ABCB4: variants seen among roughly 807,000 people sequenced by gnomAD.
ABCB4 encodes the protein ATP binding cassette subfamily B member 4.
In ABCB4, 76 loss-of-function variants were observed where a neutral mutation model predicts 145.7. That is an observed-to-expected ratio of 0.52 (90% CI 0.43 to 0.63). The LOEUF (loss-of-function observed/expected upper bound fraction) is 0.63, where lower values mean the gene tolerates loss of function less well. Among genes scored for constraint, ABCB4 ranks in the 30% least tolerant of loss-of-function variants. ABCB4 has a pLI of 0.00. For synonymous variants in ABCB4, 517 were observed against 566.8 expected (o/e 0.91, Z 1.25); for missense variants, 1,234 against 1,553.1 (o/e 0.79, Z 3.45).
chr7:87,431,654 T>C (rs1810243881), intron 14 of ABCB4, 89 bp from the exon 15 acceptor site: 2 of 1,498,622 alleles, frequency 1.3e-6, no homozygotes, highest in African/African-American at 1.4e-5. Context: ...ATGAATGCTG[T>C]TTGTAGATGA....
At position 87,418,622 on chromosome 7, in the gene ABCB4, T is replaced by C. The variant is rs1000212936; in HGVS notation, c.2395-2A>G. 1 of 1,613,900 alleles carries C rather than the reference T, an allele frequency of 6.2e-7. No homozygotes were observed. The highest frequency in any genetic ancestry group is 8.5e-7 in the Non-Finnish European group (1 of 1,179,804). The stretch of plus-strand genomic sequence containing the variant: ...ATGGTCATCAAACCAGCTCATGTCC[T>C]ATGGCATAAAATACACGTTTATGTT... On this transcript the variant is annotated splice_acceptor_variant, in intron 19 of 27. Coordinates refer to ENST00000649586, the MANE Select transcript of ABCB4 (RefSeq NM_000443.4). LOFTEE classifies it high-confidence loss of function.
chr7:87,369,361 T>A, the ABCB4 span: 2 of 1,572,230 alleles, frequency 1.3e-6, no homozygotes, highest in South Asian at 1.2e-5. Context: ...TTGTGTTTTC[T>A]GTTTCTGTTT....
intron 14 of ABCB4, among the ~76,000 whole-genome samples, chr7:87,438,103 TC>T (rs1810730894): frequency 1.3e-5 from 2 of 152,210 alleles, no homozygotes; most frequent in Admixed American, 6.5e-5. Flanking sequence ...AATATCTGTA[TC>T]CTGGAAATGA....
At chr7:87,373,329 C>T in the ABCB4 span, among the ~76,000 whole-genome samples, 4 of 151,946 alleles carry the variant, frequency 2.6e-5, no homozygotes, top group African/African-American at 9.7e-5. Context: ...AGATATAAGT[C>T]TTTTTACAGA....
the ABCB4 span, among the ~76,000 whole-genome samples, chr7:87,371,608 C>T: frequency 6.6e-6 from 1 of 152,160 alleles, no homozygotes; most frequent in South Asian, 2.1e-4. Context: ...AAATTGTCAT[C>T]CACAGTGGCA....
chr7:87,461,579 A>G (rs981127442), intron 4 of ABCB4, among the ~76,000 whole-genome samples: 2 of 152,214 alleles, frequency 1.3e-5, no homozygotes, highest in Non-Finnish European at 2.9e-5. Context: ...CATAGGACCT[A>G]GCACATAGTA....
chr7:87,469,774 G>A (rs1057194059), intron 3 of ABCB4, among the ~76,000 whole-genome samples: 16 of 152,226 alleles, frequency 1.1e-4, no homozygotes, highest in South Asian at 4.2e-4. Context: ...AATCAATATC[G>A]TGAAAATGGC....
intron 2 of ABCB4, among the ~76,000 whole-genome samples, chr7:87,473,158 A>G (rs1813554413): frequency 6.6e-6 from 1 of 152,198 alleles, no homozygotes; most frequent in African/African-American, 2.4e-5. Flanking sequence ...ACTTCCACCT[A>G]TGCCGCTTCA....
At chr7:87,449,818 T>G (rs1243547070) in intron 8 of ABCB4, 150 bp downstream of exon 8, 2 of 1,163,238 alleles carry the variant, frequency 1.7e-6, no homozygotes, top group Non-Finnish European at 2.5e-6. Context: ...AGTCTGACAT[T>G]CAACTATAGC....
At chr7:87,378,425 C>T in the ABCB4 span, among the ~76,000 whole-genome samples, 14 of 151,466 alleles carry the variant, frequency 9.2e-5, no homozygotes, top group Admixed American at 5.3e-4. Context: ...ATCAAACTAG[C>T]GTTAGCGTAA....
At chr7:87,421,001 A>C (rs1479324132) in intron 18 of ABCB4, among the ~76,000 whole-genome samples, 1 of 152,182 alleles carries the variant, frequency 6.6e-6, no homozygotes, top group African/African-American at 2.4e-5. Context: ...CAAGATCCAA[A>C]TGAGTATGCT....
intron 15 of ABCB4, among the ~76,000 whole-genome samples, chr7:87,427,630 A>G (rs985026872): frequency 2.6e-5 from 4 of 152,160 alleles, no homozygotes; most frequent in African/African-American, 9.7e-5. Flanking sequence ...ACACATCTTA[A>G]TAGTTTGTTC....
intron 23 of ABCB4, 32 bp downstream of exon 23, chr7:87,411,860 TA>T: frequency 1.2e-6 from 2 of 1,602,256 alleles, no homozygotes; most frequent in Non-Finnish European, 1.7e-6. Flanking sequence ...AACCTTATTA[TA>T]GAATAATCTT....
At chr7:87,475,247 G>C in intron 2 of ABCB4, 139 bp downstream of exon 2, 1 of 980,210 alleles carries the variant, frequency 1.0e-6, no homozygotes, top group Non-Finnish European at 1.6e-6. Context: ...GTCAGAACCG[G>C]ATGCAAGACC....
chr7:87,366,456 CCTGT>C, the ABCB4 span, among the ~76,000 whole-genome samples: 9 of 152,108 alleles, frequency 5.9e-5, no homozygotes, highest in Non-Finnish European at 8.8e-5. Context: ...AGCTCCAGTG[CCTGT>C]CTTTCTTTCC....
chr7:87,465,683 G>C (rs1488621025), intron 3 of ABCB4, among the ~76,000 whole-genome samples: 1 of 152,170 alleles, frequency 6.6e-6, no homozygotes, highest in Admixed American at 6.5e-5. Flanking sequence ...ACATGGCCGG[G>C]CAGCCCTCTG....
At chr7:87,464,347 A>G (rs1812704275) in intron 3 of ABCB4, among the ~76,000 whole-genome samples, 1 of 152,214 alleles carries the variant, frequency 6.6e-6, no homozygotes, top group Admixed American at 6.5e-5. Flanking sequence ...GAAACCAGGC[A>G]GAGCTTGGAT....
intron 15 of ABCB4, 107 bp from the exon 16 acceptor site, chr7:87,427,027 GA>G: frequency 1.0e-6 from 1 of 1,002,584 alleles, no homozygotes; most frequent in Non-Finnish European, 1.5e-6. Flanking sequence ...AAGCAATTTG[GA>G]ATATTACATG....
intron 21 of ABCB4, among the ~76,000 whole-genome samples, chr7:87,416,892 G>A (rs1584693380): frequency 1.3e-5 from 2 of 152,346 alleles, no homozygotes; most frequent in African/African-American, 2.4e-5. Context: ...TCTGGTGGCT[G>A]CCATCTTAAT....
Sources: gnomAD v4.1 joint callset for allele counts (sites outside exome capture counted in the v4.1 genomes callset) on GRCh38, gnomAD v4.1.1 for gene constraint, MANE v1.5 for transcripts, NCBI Gene and HGNC (gene_info 2026-07-23, HGNC 2026-07-21) for gene names.